PTPDC1: variants seen among roughly 807,000 people sequenced by gnomAD.
The protein encoded by PTPDC1 is protein tyrosine phosphatase domain-containing protein 1.
In PTPDC1, 53 loss-of-function variants were observed where a neutral mutation model predicts 75.3. The observed-to-expected ratio is 0.70, with a 90% CI of 0.56 to 0.88. The LOEUF is 0.88. PTPDC1 is among the 40% of genes least tolerant of loss of function. The pLI is 0.00. For missense variants in PTPDC1, 925 were observed against 998.6 expected (o/e 0.93, Z 0.99); for synonymous variants, 349 against 366.2 (o/e 0.95, Z 0.54).
rs191596276 is a variant in PTPDC1, at chr9:94,096,200, G to A, written c.754+746G>A. On this transcript the variant is annotated intron_variant, in intron 5 of 8. Transcript: ENST00000620992. ...ATCCAACCACATGCAGCTCAGCTCTGTCCGCAGTGTACCTGTGCTCCTGCC... is the reference window on the plus strand; with the variant it reads ...ATCCAACCACATGCAGCTCAGCTCTATCCGCAGTGTACCTGTGCTCCTGCC... 6.6e-5 allele frequency among the ~76,000 whole-genome samples: 10 copies of A among 152,322 alleles called. No homozygotes were observed. The East Asian group carries it at 1.9e-3, about 29-fold the overall frequency.
At chr9:94,059,423 T>A (rs962880291) in intron 1 of PTPDC1, among the ~76,000 whole-genome samples, 1 of 152,220 alleles carries the variant, frequency 6.6e-6, no homozygotes, top group Admixed American at 6.5e-5. Context: ...CAAGATACTG[T>A]TTAAAATTGA....
At chr9:94,072,623 A>G (rs572208737) in intron 2 of PTPDC1, among the ~76,000 whole-genome samples, 19 of 152,280 alleles carry the variant, frequency 1.2e-4, no homozygotes, top group Admixed American at 1.1e-3. Flanking sequence ...CATAGGGAGA[A>G]GGCATTCAGT....
At chr9:94,102,991 T>TACACACAA (rs1554700426) in intron 7 of PTPDC1, among the ~76,000 whole-genome samples, 1 of 148,876 alleles carries the variant, frequency 6.7e-6, no homozygotes, top group Admixed American at 6.7e-5. Flanking sequence ...CTGCTGTTAC[T>TACACACAA]ACACACACAC....
chr9:94,090,547 T>A (rs1464184679), intron 4 of PTPDC1, among the ~76,000 whole-genome samples: 1 of 102,034 alleles, frequency 9.8e-6, no homozygotes, highest in Non-Finnish European at 1.9e-5. Flanking sequence ...GGCTTAGGAT[T>A]GACTTGGTGA....
chr9:94,106,179 A>G (rs1017644054), intron 8 of PTPDC1, among the ~76,000 whole-genome samples: 4 of 152,176 alleles, frequency 2.6e-5, no homozygotes, highest in African/African-American at 9.7e-5. Context: ...GTTAGAGATA[A>G]CAGTTGTTCA....
chr9:94,086,256 G>A (rs1282966904), intron 2 of PTPDC1, among the ~76,000 whole-genome samples: 1 of 152,246 alleles, frequency 6.6e-6, no homozygotes, highest in South Asian at 2.1e-4. Context: ...TCATATTCTG[G>A]TCCATCACTA....
chr9:94,101,602 A>G lies in PTPDC1; in HGVS notation c.2050A>G (p.Ile684Val). The G allele has an allele frequency of 6.2e-7, 1 of 1,613,524 alleles. No homozygotes were observed. The highest frequency in any genetic ancestry group is 8.5e-7 in the Non-Finnish European group (1 of 1,179,642). Residue 684 changes from isoleucine to valine, a missense_variant, in exon 7 of 9, where the codon ATA (isoleucine) becomes GTA (valine). Transcript: ENST00000620992. ...TTCCCGAGATGGAGCTTGGGAAAGA[A>G]TATGTGGCGAGAGGGACCCTTTCAT... The part of the protein sequence containing the change: ...LNSRDGAWER[I>V]CGERDPFILC...
intron 5 of PTPDC1, 42 bp from the exon 6 acceptor site, chr9:94,097,279 G>A: frequency 7.9e-7 from 1 of 1,264,818 alleles, no homozygotes; most frequent in Non-Finnish European, 1.1e-6. Context: ...AAATAAAAAT[G>A]TAAGCTTTTC....
chr9:94,075,012 T>C (rs1826638642), intron 2 of PTPDC1, among the ~76,000 whole-genome samples: 1 of 152,150 alleles, frequency 6.6e-6, no homozygotes, highest in Non-Finnish European at 1.5e-5. Flanking sequence ...TATTGACTAA[T>C]CCCACTTCAA....
intron 2 of PTPDC1, among the ~76,000 whole-genome samples, chr9:94,077,334 C>G (rs1826728947): frequency 6.6e-6 from 1 of 152,114 alleles, no homozygotes; most frequent in Admixed American, 6.5e-5. Flanking sequence ...CATTATCTAC[C>G]TAGAGATAGT....
intron 1 of PTPDC1, among the ~76,000 whole-genome samples, chr9:94,053,647 A>G (rs1338784063): frequency 1.3e-5 from 2 of 152,176 alleles, no homozygotes. Flanking sequence ...AAGGAGAGAA[A>G]ATTGGGCTGA....
At chr9:94,105,951 C>T (rs1373843748) in intron 8 of PTPDC1, among the ~76,000 whole-genome samples, 20 of 150,832 alleles carry the variant, frequency 1.3e-4, no homozygotes, top group East Asian at 7.8e-4. Context: ...CCAGCCTGGG[C>T]GACAGAGCAA....
chr9:94,086,833 G>T (rs1827088418), intron 2 of PTPDC1, among the ~76,000 whole-genome samples: 1 of 152,164 alleles, frequency 6.6e-6, no homozygotes, highest in South Asian at 2.1e-4. Flanking sequence ...CAAGTAATTT[G>T]CTACCAAGCT....
At chr9:94,046,452 C>T (rs1248217664) in intron 1 of PTPDC1, among the ~76,000 whole-genome samples, 2 of 152,106 alleles carry the variant, frequency 1.3e-5, no homozygotes, top group African/African-American at 4.8e-5. Context: ...GCCATTTTCA[C>T]GATATTGATT....
intron 1 of PTPDC1, among the ~76,000 whole-genome samples, chr9:94,046,337 C>T (rs575260619): frequency 4.6e-5 from 7 of 152,152 alleles, no homozygotes; most frequent in East Asian, 1.9e-4. Flanking sequence ...GGCTCTTTTT[C>T]GGTTCCATAT....
chr9:94,051,193 A>G (rs1825780976), intron 1 of PTPDC1, among the ~76,000 whole-genome samples: 1 of 152,174 alleles, frequency 6.6e-6, no homozygotes, highest in Non-Finnish European at 1.5e-5. Flanking sequence ...GCTTCGGCTC[A>G]TGCTGGGTGC....
chr9:94,087,740 GA>G (rs371926853), intron 2 of PTPDC1, 90 bp from the exon 3 acceptor site: 2 of 835,902 alleles, frequency 2.4e-6, no homozygotes, highest in Admixed American at 2.3e-5. Flanking sequence ...TGAAATCATA[GA>G]AAAAATCATC....
At chr9:94,048,755 AT>A (rs1038565942) in intron 1 of PTPDC1, among the ~76,000 whole-genome samples, 3 of 152,140 alleles carry the variant, frequency 2.0e-5, no homozygotes, top group African/African-American at 7.2e-5. Flanking sequence ...ATTCCTGGAT[AT>A]CCTTGTTAAC....
chr9:94,107,010 G>C (rs1424483226), intron 8 of PTPDC1, among the ~76,000 whole-genome samples: 1 of 152,202 alleles, frequency 6.6e-6, no homozygotes, highest in African/African-American at 2.4e-5. Flanking sequence ...CTGGAGTGCA[G>C]TGGCACAATC....
Sources: gnomAD v4.1 joint callset for allele counts (sites outside exome capture counted in the v4.1 genomes callset) on GRCh38, gnomAD v4.1.1 for gene constraint, MANE v1.5 for transcripts, NCBI Gene and HGNC (gene_info 2026-07-23, HGNC 2026-07-21) for gene names.